TTLL1: variants seen among roughly 807,000 people sequenced by gnomAD.
TTLL1 encodes the protein polyglutamylase complex subunit TTLL1.
Under a neutral mutation model 47.8 loss-of-function variants are expected in TTLL1, and 33 were observed. That is an observed-to-expected ratio of 0.69 (90% CI 0.52 to 0.92). The LOEUF is 0.92. Ranked by LOEUF, TTLL1 falls within the 40% of genes least tolerant of loss-of-function variation. The pLI, the probability that TTLL1 is intolerant of heterozygous loss-of-function variation, is 0.00. For missense variants in TTLL1, 488 were observed against 547.5 expected (o/e 0.89, Z 1.08); for synonymous variants, 225 against 214.1 (o/e 1.05, Z -0.45).
intron 5 of TTLL1, among the ~76,000 whole-genome samples, chr22:43,065,448 C>T (rs902006400): frequency 6.6e-6 from 1 of 151,948 alleles, no homozygotes; most frequent in Non-Finnish European, 1.5e-5. Context: ...AGCCACCATG[C>T]CTGGCTAATT....
chr22:43,075,864 C>T (rs951741953), intron 2 of TTLL1, among the ~76,000 whole-genome samples: 5 of 152,216 alleles, frequency 3.3e-5, no homozygotes, highest in African/African-American at 1.2e-4. Flanking sequence ...ACCAATTATC[C>T]AGCCCCAAAT....
chr22:43,056,357 C>CA (rs993391240), intron 8 of TTLL1, among the ~76,000 whole-genome samples: 124 of 68,480 alleles, frequency 1.8e-3, no homozygotes, highest in African/African-American at 2.7e-3. Context: ...GACTCTGTCT[C>CA]AAAAAAAAAA....
chr22:43,052,928 C>T lies in TTLL1; in HGVS notation c.892-1041G>A, dbSNP rs560135930. Among the ~76,000 whole-genome samples, 19 of 151,928 alleles carry T rather than the reference C, an allele frequency of 1.3e-4. No individual in the cohort carries two copies. In the South Asian group the frequency reaches 3.5e-3, roughly 28 times the overall value. On this transcript the variant is annotated intron_variant, in intron 8 of 10. Transcript: ENST00000266254. ...ACAAAAAATTAGCGAGCCGTGGTGG[C>T]GCGTGCCTGTAATCCCAGCTACTTG...
intron 5 of TTLL1, among the ~76,000 whole-genome samples, 196 bp downstream of exon 5, chr22:43,068,214 G>A (rs1927873032): frequency 6.6e-6 from 1 of 151,858 alleles, no homozygotes; most frequent in Non-Finnish European, 1.5e-5. Context: ...CTACTCGGGA[G>A]GCTGAAGCAG....
In TTLL1 at chr22:43,046,493, G is replaced by A. The variant is rs773809036; in HGVS notation, c.1059C>T (p.Asn353=). The change falls in exon 10 of 11, where the codon AAC becomes AAT. Residue 353 remains asparagine (N), a synonymous_variant. Transcript: ENST00000266254. Reference sequence around the variant, plus strand: ...GGATTTCACCATTCGGGACGGCGATGTTGAGGGTGTCATTAATCAGGTTGT... The same window carrying A: ...GGATTTCACCATTCGGGACGGCGATATTGAGGGTGTCATTAATCAGGTTGT... ...LKYNLINDTL[N]IAVPNGEIPD... 1 of 1,614,132 alleles carries A rather than the reference G, an allele frequency of 6.2e-7. No individual in the cohort carries two copies. Among genetic ancestry groups the A allele is most frequent in the African/African-American group, 1.3e-5 (1 of 75,030 alleles).
At chr22:43,082,933 G>A (rs988858806) in intron 1 of TTLL1, among the ~76,000 whole-genome samples, 8 of 151,844 alleles carry the variant, frequency 5.3e-5, no homozygotes, top group Non-Finnish European at 1.0e-4. Context: ...AGAATCGCTT[G>A]AACCCTGGAG....
chr22:43,049,798 A>T (rs960599048), intron 9 of TTLL1, among the ~76,000 whole-genome samples: 36 of 151,798 alleles, frequency 2.4e-4, no homozygotes, highest in Non-Finnish European at 4.4e-4. Context: ...AAAGAAAAAA[A>T]AAAAAGAATT....
Position 43,069,778 on chromosome 22 carries a change from T to G in TTLL1, c.180A>C (p.Gln60His). 1 of 1,614,228 alleles carries G rather than the reference T, an allele frequency of 6.2e-7. No individual in the cohort carries two copies. The highest frequency in any genetic ancestry group is 1.1e-5 in the South Asian group (1 of 91,088). ...VEAGYRLSDD[Q>H]IVNHFPNHYE... ...AGTGGTTTGGAAAATGGTTGACTAT[T>G]TGGTCATCTGAGAGCCGATATCCAG... Residue 60 changes from glutamine to histidine, a missense_variant, in exon 4 of 11, where the codon CAA becomes CAC. By Grantham distance (24) the Gln-to-His change is conservative. Coordinates refer to ENST00000266254, the MANE Select transcript of TTLL1 (RefSeq NM_012263.5).
chr22:43,066,565 A>C (rs1927750425), intron 5 of TTLL1, among the ~76,000 whole-genome samples: 1 of 151,454 alleles, frequency 6.6e-6, no homozygotes, highest in African/African-American at 2.4e-5. Context: ...CTCTACAAAA[A>C]AGAAAAATTA....
intron 9 of TTLL1, among the ~76,000 whole-genome samples, chr22:43,049,604 A>C (rs1043780123): frequency 5.4e-4 from 80 of 148,106 alleles, no homozygotes; most frequent in African/African-American, 1.4e-3. Context: ...ATCTCCACAA[A>C]AAAAAAAAAA....
intron 3 of TTLL1, among the ~76,000 whole-genome samples, chr22:43,073,138 C>A (rs1013233446): frequency 6.6e-6 from 1 of 151,482 alleles, no homozygotes; most frequent in Non-Finnish European, 1.5e-5. Flanking sequence ...GCCTCAGCCT[C>A]TCAAGTAGCT....
At chr22:43,047,244 A>G (rs1926213835) in intron 9 of TTLL1, among the ~76,000 whole-genome samples, 1 of 152,154 alleles carries the variant, frequency 6.6e-6, no homozygotes, top group African/African-American at 2.4e-5. Flanking sequence ...GGCCCTGCCC[A>G]AGCAGCAGTG....
chr22:43,053,672 C>T (rs996910331), intron 8 of TTLL1, among the ~76,000 whole-genome samples: 1 of 152,172 alleles, frequency 6.6e-6, no homozygotes. Context: ...CTGAGGACAA[C>T]ATGCCTGGTA....
chr22:43,062,555 C>A (rs990615880), intron 7 of TTLL1, among the ~76,000 whole-genome samples: 1 of 151,644 alleles, frequency 6.6e-6, no homozygotes, highest in Admixed American at 6.6e-5. Flanking sequence ...TAACGCCAGG[C>A]GCAGTGGCAC....
intron 8 of TTLL1, 53 bp downstream of exon 8, chr22:43,059,331 C>G: frequency 6.4e-7 from 1 of 1,570,752 alleles, no homozygotes; most frequent in Non-Finnish European, 8.6e-7. Flanking sequence ...AGCAAGCCCC[C>G]CCACTCCCAA....
rs1046675955 is a variant in TTLL1 at position 43,058,235 on chromosome 22, C to T, written c.891+1149G>A. Among the ~76,000 whole-genome samples the T allele has an allele frequency of 7.2e-4, 109 of 152,096 alleles. 2 individuals are homozygous for T. Among genetic ancestry groups the T allele is most frequent in the Non-Finnish European group, 2.1e-4 (14 of 68,024 alleles). On this transcript the variant is annotated intron_variant, in intron 8 of 10. Coordinates refer to ENST00000266254, the MANE Select transcript of TTLL1 (RefSeq NM_012263.5). ...CTGGGATTACAGGTGTGAGCCACAG[C>T]GCCCGGCCCCGGAAATATTAATAGT... is the stretch of plus-strand genomic sequence containing the variant.
At chr22:43,060,622 C>T (rs1449577933) in intron 7 of TTLL1, among the ~76,000 whole-genome samples, 2 of 152,192 alleles carry the variant, frequency 1.3e-5, no homozygotes, top group African/African-American at 4.8e-5. Context: ...CTTGGCCAAG[C>T]TTTCCTCCTG....
chr22:43,074,157 T>C (rs887381399), intron 3 of TTLL1, among the ~76,000 whole-genome samples: 4 of 151,520 alleles, frequency 2.6e-5, no homozygotes, highest in African/African-American at 7.3e-5. Flanking sequence ...CCAGGCACAG[T>C]GGCTCACGCC....
At chr22:43,071,004 C>A (rs1928084354) in intron 3 of TTLL1, among the ~76,000 whole-genome samples, 2 of 151,940 alleles carry the variant, frequency 1.3e-5, no homozygotes. Flanking sequence ...CCTCTGCCTC[C>A]CAGGCTCAAG....
Sources: allele counts gnomAD v4.1 joint callset (sites outside exome capture counted in the v4.1 genomes callset), GRCh38; gene constraint gnomAD v4.1.1; transcripts MANE v1.5; gene names NCBI Gene and HGNC (gene_info 2026-07-23, HGNC 2026-07-21).